Variants in COL25A1 observed in about 807,000 individuals in gnomAD.
The protein encoded by COL25A1 is collagen alpha-1(XXV) chain.
COL25A1 carries 103 observed loss-of-function variants against 128.4 expected under a neutral mutation model. The observed-to-expected ratio is 0.80, with a 90% CI of 0.68 to 0.94. The LOEUF (loss-of-function observed/expected upper bound fraction) is 0.94, where lower values mean the gene tolerates loss of function less well. COL25A1 is among the 40% of genes least tolerant of loss of function. COL25A1 has a pLI of 0.00. For synonymous variants in COL25A1, 279 were observed against 277.2 expected (o/e 1.01, Z -0.06); for missense variants, 745 against 840.0 (o/e 0.89, Z 1.40).
chr4:109,042,312 A>T (rs775123607), intron 5 of COL25A1, among the ~76,000 whole-genome samples: 6 of 152,146 alleles, frequency 3.9e-5, no homozygotes, highest in Non-Finnish European at 7.4e-5. Context: ...GTACACATTC[A>T]TAGTCATATT....
intron 36 of COL25A1, among the ~76,000 whole-genome samples, chr4:108,818,803 G>A (rs570942100): frequency 2.8e-4 from 42 of 151,836 alleles, no homozygotes; most frequent in Admixed American, 2.4e-3. Flanking sequence ...GCTGAATTCC[G>A]TAGGTTGGGC....
Position 108,926,840 on chromosome 4 carries a change from T to C in COL25A1, c.709-6236A>G, listed in dbSNP as rs544181685. On this transcript the variant is annotated intron_variant, in intron 11 of 37. Transcript: ENST00000399132. ...TATGTACGTCTGGAGTGTAATTCAA[T>C]TGATGTTTTACAAGATTTGGATTTC... Among the ~76,000 whole-genome samples the C allele has an allele frequency of 2.6e-5, 4 of 152,062 alleles. No homozygotes were observed. In the South Asian group the frequency reaches 8.3e-4, roughly 32 times the overall value.
At chr4:109,012,515 T>C (rs1648023) in intron 5 of COL25A1, among the ~76,000 whole-genome samples, 77,617 of 151,962 alleles carry the variant, frequency 0.51, 22,566 homozygotes, top group African/African-American at 0.78. Context: ...GCAGCGCTCG[T>C]GGGCCAGCGC....
At chr4:109,241,965 CTT>C (rs1233056042) in intron 3 of COL25A1, among the ~76,000 whole-genome samples, 1 of 151,814 alleles carries the variant, frequency 6.6e-6, no homozygotes, top group Non-Finnish European at 1.5e-5. Flanking sequence ...CATATCAAGA[CTT>C]GACTTTTCTC....
intron 8 of COL25A1, among the ~76,000 whole-genome samples, chr4:108,969,956 C>T (rs1467323139): frequency 6.6e-6 from 1 of 151,350 alleles, no homozygotes; most frequent in East Asian, 1.9e-4. Flanking sequence ...GGCTGGAGTG[C>T]AATCATGCTA....
At chr4:108,820,394 T>C (rs184638918) in intron 35 of COL25A1, among the ~76,000 whole-genome samples, 1 of 152,372 alleles carries the variant, frequency 6.6e-6, no homozygotes, top group East Asian at 1.9e-4. Context: ...CTTTGAAATG[T>C]ATCCAACTTT....
intron 3 of COL25A1, among the ~76,000 whole-genome samples, chr4:109,111,381 T>C (rs1193041627): frequency 6.6e-6 from 1 of 152,228 alleles, no homozygotes; most frequent in Non-Finnish European, 1.5e-5. Context: ...CCATTATATG[T>C]AGACCTATAT....
chr4:108,829,305 C>A (rs1324242298), intron 32 of COL25A1, among the ~76,000 whole-genome samples: 1 of 152,078 alleles, frequency 6.6e-6, no homozygotes, highest in Non-Finnish European at 1.5e-5. Flanking sequence ...GAGTTTGAGA[C>A]CAGCCTGGGG....
At position 109,042,110 on chromosome 4, in the gene COL25A1, C is replaced by A. The variant is rs114065782; in HGVS notation, c.420+6058G>T. Among the ~76,000 whole-genome samples the A allele has an allele frequency of 6.6e-3, 1,000 of 152,070 alleles. 7 individuals carry two copies. The highest frequency in any genetic ancestry group is 0.023 in the African/African-American group (936 of 41,496). The stretch of plus-strand genomic sequence containing the variant: ...AACAGCCTTATTTAAGCTCAATTTG[C>A]AGCTCTTTGCCCCTTACTGTAGCCA... On this transcript the variant is annotated intron_variant, in intron 5 of 37. Transcript: ENST00000399132.
intron 5 of COL25A1, among the ~76,000 whole-genome samples, chr4:109,030,517 C>T (rs1260638545): frequency 1.3e-5 from 2 of 152,106 alleles, no homozygotes; most frequent in African/African-American, 4.8e-5. Context: ...GTTGTGAAGA[C>T]AAAAGAGAAT....
At chr4:109,181,407 A>T (rs1459449848) in intron 3 of COL25A1, among the ~76,000 whole-genome samples, 1 of 152,170 alleles carries the variant, frequency 6.6e-6, no homozygotes, top group Non-Finnish European at 1.5e-5. Flanking sequence ...AAAACATCAT[A>T]TGCCCATATG....
At chr4:108,896,829 C>A in intron 15 of COL25A1, 118 bp from the exon 16 acceptor site, 1 of 830,104 alleles carries the variant, frequency 1.2e-6, no homozygotes, top group Non-Finnish European at 2.0e-6. Context: ...GTTGCAAATG[C>A]TCTATAGAGC....
At chr4:108,842,781 A>G (rs911393413) in intron 30 of COL25A1, among the ~76,000 whole-genome samples, 19 of 152,166 alleles carry the variant, frequency 1.2e-4, no homozygotes, top group African/African-American at 4.6e-4. Context: ...ATCTTATAGT[A>G]GAGGGAGTAT....
intron 5 of COL25A1, among the ~76,000 whole-genome samples, chr4:109,014,613 T>A (rs751094348): frequency 4.6e-5 from 7 of 152,262 alleles, no homozygotes; most frequent in Non-Finnish European, 7.3e-5. Context: ...ATGGATTTTA[T>A]GTTAGTGATA....
At chr4:108,957,026 C>A (rs1750149590) in intron 8 of COL25A1, among the ~76,000 whole-genome samples, 1 of 152,122 alleles carries the variant, frequency 6.6e-6, no homozygotes. Context: ...TAAATTTATA[C>A]ATTAATATAT....
intron 3 of COL25A1, among the ~76,000 whole-genome samples, chr4:109,225,171 G>A (rs1389170075): frequency 6.6e-6 from 1 of 152,112 alleles, no homozygotes; most frequent in African/African-American, 2.4e-5. Flanking sequence ...AGGTATATCT[G>A]ACAACTTTGA....
At chr4:108,890,323 T>C (rs913284481) in intron 16 of COL25A1, among the ~76,000 whole-genome samples, 1 of 152,206 alleles carries the variant, frequency 6.6e-6, no homozygotes, top group African/African-American at 2.4e-5. Context: ...TTTACACTTA[T>C]TTCATTGTAA....
At position 108,884,225 on chromosome 4, in the gene COL25A1, A is replaced by T. The variant is rs1490051712; in HGVS notation, c.976-3T>A. 2 of 1,612,980 alleles carry T rather than the reference A, an allele frequency of 1.2e-6. No individual in the cohort carries two copies. The highest frequency in any genetic ancestry group is 1.7e-6 in the Non-Finnish European group (2 of 1,179,206). ...AGCCCAGGAAGCCCTGGTTCACCCT[A>T]CACAGGAAAATCATATAGCATTATA... On this transcript the variant is annotated splice_polypyrimidine_tract_variant and splice_region_variant and intron_variant, in intron 18 of 37. Transcript: ENST00000399132.
chr4:109,220,080 G>A (rs1341526333), intron 3 of COL25A1, among the ~76,000 whole-genome samples: 1 of 152,060 alleles, frequency 6.6e-6, no homozygotes. Flanking sequence ...ACCCATATCA[G>A]AGCCACCAAC....
Sources: gnomAD v4.1 joint callset for allele counts (sites outside exome capture counted in the v4.1 genomes callset) on GRCh38, gnomAD v4.1.1 for gene constraint, MANE v1.5 for transcripts, NCBI Gene and HGNC (gene_info 2026-07-23, HGNC 2026-07-21) for gene names.